Variants in ZMAT5 observed in about 807,000 individuals in gnomAD.
The protein encoded by ZMAT5 is zinc finger matrin-type protein 5.
In ZMAT5, 23 loss-of-function variants were observed where a neutral mutation model predicts 28.0. The observed-to-expected ratio is 0.82, with a 90% CI of 0.59 to 1.16. The LOEUF (loss-of-function observed/expected upper bound fraction) is 1.16, where lower values mean the gene tolerates loss of function less well. Ranked by LOEUF, ZMAT5 falls within the 50% of genes most tolerant of loss-of-function variation. The probability of loss-of-function intolerance (pLI) is 0.00; values close to 1 mark genes in which losing one functional copy is unlikely to be tolerated. For missense variants in ZMAT5, 173 were observed against 212.7 expected (o/e 0.81, Z 1.16); for synonymous variants, 76 against 84.1 (o/e 0.90, Z 0.52).
intron 5 of ZMAT5, among the ~76,000 whole-genome samples, chr22:29,737,166 C>T (rs1374552785): frequency 6.6e-6 from 1 of 151,632 alleles, no homozygotes; most frequent in South Asian, 2.1e-4. Flanking sequence ...CCCATCTCTA[C>T]AAAAATACAA....
chr22:29,757,469 A>C (rs1407806195), intron 1 of ZMAT5, among the ~76,000 whole-genome samples: 1 of 152,216 alleles, frequency 6.6e-6, no homozygotes. Flanking sequence ...CTGGAAGACG[A>C]GGGTAATGAC....
chr22:29,752,047 C>G (rs937817516), intron 1 of ZMAT5, among the ~76,000 whole-genome samples: 3 of 152,162 alleles, frequency 2.0e-5, no homozygotes, highest in African/African-American at 7.2e-5. Flanking sequence ...TAGGACCATG[C>G]TAGCCCCTTC....
At chr22:29,761,399 G>A (rs1388750650) in intron 1 of ZMAT5, among the ~76,000 whole-genome samples, 1 of 151,976 alleles carries the variant, frequency 6.6e-6, no homozygotes, top group Non-Finnish European at 1.5e-5. Context: ...CAACATAGGG[G>A]AACCTTGTCT....
At chr22:29,732,033 G>A (rs2067851587) in intron 5 of ZMAT5, among the ~76,000 whole-genome samples, 1 of 152,064 alleles carries the variant, frequency 6.6e-6, no homozygotes, top group African/African-American at 2.4e-5. Context: ...CCTGGAACTT[G>A]GGGTCCATGT....
At chr22:29,763,368 C>A (rs1019495071) in intron 1 of ZMAT5, among the ~76,000 whole-genome samples, 2 of 151,480 alleles carry the variant, frequency 1.3e-5, no homozygotes, top group Non-Finnish European at 2.9e-5. Flanking sequence ...TTTTGGGAGG[C>A]CGAGGTGGGT....
At chr22:29,748,998 T>C (rs1022093088) in intron 1 of ZMAT5, among the ~76,000 whole-genome samples, 1 of 151,990 alleles carries the variant, frequency 6.6e-6, no homozygotes, top group African/African-American at 2.4e-5. Context: ...GTTTTTAAAG[T>C]CTATCAGGTG....
intron 1 of ZMAT5, among the ~76,000 whole-genome samples, chr22:29,749,444 C>A (rs1379681793): frequency 6.6e-6 from 1 of 152,016 alleles, no homozygotes; most frequent in African/African-American, 2.4e-5. Context: ...CTCACACATG[C>A]CAGGCACATG....
At chr22:29,764,159 A>G (rs2068185691) in intron 1 of ZMAT5, among the ~76,000 whole-genome samples, 1 of 152,184 alleles carries the variant, frequency 6.6e-6, no homozygotes. Context: ...AAAACATAAT[A>G]AAACCAAATG....
chr22:29,754,656 A>G (rs914621451), intron 1 of ZMAT5, among the ~76,000 whole-genome samples: 1 of 152,100 alleles, frequency 6.6e-6, no homozygotes, highest in Non-Finnish European at 1.5e-5. Flanking sequence ...GGATCACTGG[A>G]GCCCAGGAGC....
At chr22:29,757,584 C>T (rs1197616366) in intron 1 of ZMAT5, among the ~76,000 whole-genome samples, 2 of 152,254 alleles carry the variant, frequency 1.3e-5, no homozygotes, top group Non-Finnish European at 2.9e-5. Flanking sequence ...CATGTTGCAG[C>T]CAGCCTCCAA....
chr22:29,748,602 C>T (rs2068030773), intron 1 of ZMAT5, 31 bp from the exon 2 acceptor site: 1 of 1,609,622 alleles, frequency 6.2e-7, no homozygotes, highest in East Asian at 2.2e-5. Flanking sequence ...CAGATTAGAC[C>T]ATTGGAGAAA....
intron 1 of ZMAT5, among the ~76,000 whole-genome samples, chr22:29,766,481 T>C (rs918827484): frequency 7.9e-5 from 12 of 152,200 alleles, no homozygotes; most frequent in African/African-American, 2.7e-4. Flanking sequence ...AGCAAGGACT[T>C]TGTTCACTGC....
rs768102181 is a variant in ZMAT5 at position 29,742,476 on chromosome 22, T to A, written c.132A>T (p.Ala44=). Residue 44 remains alanine (A), a synonymous_variant, in exon 3 of 6, where the codon GCA becomes GCT. Transcript: ENST00000344318. ...KKVWYDMFRD[A]AAILLDEQNK... ...TCTGCTCATCCAGCAAGATGGCAGC[T>A]GCATCTGCGAGAGAAGAGAGGGACG... The A allele has an allele frequency of 6.2e-7, 1 of 1,612,630 alleles. No homozygotes were observed. The highest frequency in any genetic ancestry group is 2.2e-5 in the East Asian group (1 of 44,870).
At chr22:29,757,052 T>A (rs986869034) in intron 1 of ZMAT5, among the ~76,000 whole-genome samples, 8 of 151,274 alleles carry the variant, frequency 5.3e-5, no homozygotes, top group African/African-American at 1.7e-4. Flanking sequence ...ATATATATAT[T>A]TTTTAATTAA....
At chr22:29,762,742 C>T (rs896667924) in intron 1 of ZMAT5, among the ~76,000 whole-genome samples, 1 of 152,156 alleles carries the variant, frequency 6.6e-6, no homozygotes, top group African/African-American at 2.4e-5. Context: ...AAATAAAGTG[C>T]ACAATAAATA....
At chr22:29,766,522 G>A (rs2068213821) in intron 1 of ZMAT5, among the ~76,000 whole-genome samples, 3 of 152,336 alleles carry the variant, frequency 2.0e-5, no homozygotes, top group East Asian at 3.9e-4. Context: ...CAGAACAGGC[G>A]CTGGGAAAAC....
In ZMAT5 at chr22:29,731,199, G is replaced by A. The variant is rs373784620; in HGVS notation, c.*26C>T. 16 of 1,473,564 alleles carry A rather than the reference G, an allele frequency of 1.1e-5. No individual in the cohort carries two copies. The highest frequency in any genetic ancestry group is 2.7e-5 in the East Asian group (1 of 36,614). The allele number at this position is 1,473,564 out of a possible 1,614,324, so 91.3% of individuals were successfully genotyped here. The stretch of plus-strand genomic sequence containing the variant: ...TGTGACTGATGAGAAAAGTGACCAC[G>A]TGGGGGTCAGTCGGGGGCAAGGGGC... On this transcript the variant is annotated 3_prime_UTR_variant, in exon 6 of 6. Transcript: ENST00000344318.
chr22:29,737,692 G>A (rs1028149818), intron 5 of ZMAT5, among the ~76,000 whole-genome samples: 1 of 152,140 alleles, frequency 6.6e-6, no homozygotes, highest in African/African-American at 2.4e-5. Flanking sequence ...GCCAGCCTTT[G>A]TCTGCCCCTG....
chr22:29,735,052 C>T (rs1395962679), intron 5 of ZMAT5, among the ~76,000 whole-genome samples: 1 of 151,970 alleles, frequency 6.6e-6, no homozygotes, highest in Non-Finnish European at 1.5e-5. Flanking sequence ...GAGAGGGAGC[C>T]AGGAAGAAAG....
Sources: gnomAD v4.1 joint callset for allele counts (sites outside exome capture counted in the v4.1 genomes callset) on GRCh38, gnomAD v4.1.1 for gene constraint, MANE v1.5 for transcripts, NCBI Gene and HGNC (gene_info 2026-07-23, HGNC 2026-07-21) for gene names.